Variants in TMEM132B observed in about 807,000 individuals in gnomAD.
TMEM132B encodes the protein transmembrane protein 132B.
A neutral mutation model predicts 90.8 loss-of-function variants in TMEM132B; 18 were observed. The observed-to-expected ratio is 0.20, with a 90% confidence interval of 0.14 to 0.29. The LOEUF is 0.29. Ranked by LOEUF, TMEM132B falls within the 10% of genes least tolerant of loss-of-function variation. The pLI, the probability that TMEM132B is intolerant of heterozygous loss-of-function variation, is 1.00. For synonymous variants in TMEM132B, 504 were observed against 523.3 expected (o/e 0.96, Z 0.50); for missense variants, 1,096 against 1,326.8 (o/e 0.83, Z 2.70).
At chr12:125,383,479 A>G (rs1436869047) in intron 2 of TMEM132B, among the ~76,000 whole-genome samples, 1 of 152,210 alleles carries the variant, frequency 6.6e-6, no homozygotes, top group Non-Finnish European at 1.5e-5. Flanking sequence ...TAGCTATTAC[A>G]GTAGTGGGTT....
At chr12:125,441,892 G>A (rs1196174494) in intron 3 of TMEM132B, among the ~76,000 whole-genome samples, 1 of 152,202 alleles carries the variant, frequency 6.6e-6, no homozygotes, top group Non-Finnish European at 1.5e-5. Flanking sequence ...TGTTCTTTTT[G>A]ATGGTTTCTT....
chr12:125,377,241 T>G (rs1328215948), intron 2 of TMEM132B, among the ~76,000 whole-genome samples: 2 of 152,136 alleles, frequency 1.3e-5, no homozygotes, highest in Admixed American at 6.5e-5. Context: ...GGGCATGAAA[T>G]GGAGAGAGTT....
chr12:125,509,441 A>G lies in TMEM132B; in HGVS notation c.1107-9998A>G, dbSNP rs576895036. ...CCAGGGCATTCCATAGTTAATGAGG[A>G]GAACAACTAGGCCTCTCTTTTCCCT... is the stretch of plus-strand genomic sequence containing the variant. On this transcript the variant is annotated intron_variant, in intron 3 of 8. Coordinates refer to ENST00000682704, the MANE Select transcript of TMEM132B (RefSeq NM_001366854.1). Among the ~76,000 whole-genome samples, 15 of 152,276 alleles carry G rather than the reference A, an allele frequency of 9.9e-5. No individual in the cohort carries two copies. In the South Asian group the frequency reaches 3.1e-3, roughly 32 times the overall value.
intron 2 of TMEM132B, among the ~76,000 whole-genome samples, chr12:125,397,429 T>C (rs1320225846): frequency 1.3e-5 from 2 of 152,206 alleles, no homozygotes; most frequent in Non-Finnish European, 2.9e-5. Context: ...TCTTTCCAAA[T>C]CCTTTTCATT....
At chr12:125,232,799 T>C (rs1015302090) in intron 1 of TMEM132B, among the ~76,000 whole-genome samples, 1 of 152,260 alleles carries the variant, frequency 6.6e-6, no homozygotes, top group African/African-American at 2.4e-5. Context: ...TGTTGTTCTT[T>C]TCTGTTTTTA....
intron 3 of TMEM132B, among the ~76,000 whole-genome samples, chr12:125,477,404 C>G (rs1045185095): frequency 6.6e-6 from 1 of 152,150 alleles, no homozygotes; most frequent in Non-Finnish European, 1.5e-5. Context: ...CTCTCTGGCT[C>G]AATCCACCCC....
At chr12:125,318,121 T>C (rs573086983) in intron 1 of TMEM132B, among the ~76,000 whole-genome samples, 1 of 152,316 alleles carries the variant, frequency 6.6e-6, no homozygotes, top group South Asian at 2.1e-4. Flanking sequence ...CAATGCTATT[T>C]ATATAAAATC....
At chr12:125,575,571 G>T (rs917998274) in intron 4 of TMEM132B, among the ~76,000 whole-genome samples, 7 of 151,534 alleles carry the variant, frequency 4.6e-5, no homozygotes, top group African/African-American at 1.7e-4. Context: ...TTTCTATAAA[G>T]TACAATTTAT....
At position 125,392,489 on chromosome 12, in the gene TMEM132B, C is replaced by T. The variant is rs897773619; in HGVS notation, c.960-23042C>T. Reference sequence around the variant, plus strand: ...AGAGGCTAAAATAACTAGCGTTGGGCTACGCAGGTAGAAAGTGGCAGCACT... The same window carrying T: ...AGAGGCTAAAATAACTAGCGTTGGGTTACGCAGGTAGAAAGTGGCAGCACT... On this transcript the variant is annotated intron_variant, in intron 2 of 8. Coordinates refer to ENST00000682704, the MANE Select transcript of TMEM132B (RefSeq NM_001366854.1). Among the ~76,000 whole-genome samples the T allele has an allele frequency of 3.9e-5, 6 of 152,336 alleles. No homozygotes were observed. The South Asian group carries it at 1.2e-3, about 32-fold the overall frequency.
At chr12:125,399,106 A>G (rs1178479980) in intron 2 of TMEM132B, among the ~76,000 whole-genome samples, 1 of 152,192 alleles carries the variant, frequency 6.6e-6, no homozygotes, top group Non-Finnish European at 1.5e-5. Flanking sequence ...GCCACCCAAG[A>G]AGATAGTTCT....
intron 1 of TMEM132B, among the ~76,000 whole-genome samples, chr12:125,294,332 AC>A (rs1875615259): frequency 1.3e-5 from 2 of 152,250 alleles, no homozygotes; most frequent in Admixed American, 1.3e-4. Flanking sequence ...AACAAGCCAG[AC>A]CTGGTAGAGA....
intron 1 of TMEM132B, among the ~76,000 whole-genome samples, chr12:125,268,962 G>C (rs1269306097): frequency 6.6e-6 from 1 of 152,208 alleles, no homozygotes; most frequent in Admixed American, 6.5e-5. Context: ...TTTGATCTTA[G>C]AGGCTGTTCA....
At chr12:125,207,737 G>T (rs144319403) in intron 1 of TMEM132B, among the ~76,000 whole-genome samples, 1 of 152,038 alleles carries the variant, frequency 6.6e-6, no homozygotes, top group African/African-American at 2.4e-5. Flanking sequence ...AGTAACTCCC[G>T]TTTCTCCCTT....
At chr12:125,409,417 C>T (rs917047081) in intron 2 of TMEM132B, among the ~76,000 whole-genome samples, 1 of 152,182 alleles carries the variant, frequency 6.6e-6, no homozygotes. Flanking sequence ...CGTGAGGAGG[C>T]ATCCGGCGGC....
intron 1 of TMEM132B, among the ~76,000 whole-genome samples, chr12:125,307,907 T>A (rs529158095): frequency 1.6e-5 from 2 of 121,946 alleles, no homozygotes; most frequent in South Asian, 5.2e-4. Flanking sequence ...ATATATATAT[T>A]AAGTATATAT....
chr12:125,325,336 A>G (rs565715829), intron 1 of TMEM132B, among the ~76,000 whole-genome samples: 1 of 152,320 alleles, frequency 6.6e-6, no homozygotes, highest in African/African-American at 2.4e-5. Context: ...GCCTCAAACC[A>G]GGCAGGAGCG....
intron 1 of TMEM132B, among the ~76,000 whole-genome samples, chr12:125,297,644 C>T (rs34037794): frequency 0.31 from 46,485 of 152,042 alleles, 7,434 homozygotes; most frequent in African/African-American, 0.39. Context: ...TTGAGATGCT[C>T]AAGGGTGAGG....
At chr12:125,391,204 C>G (rs1879007711) in intron 2 of TMEM132B, among the ~76,000 whole-genome samples, 1 of 152,128 alleles carries the variant, frequency 6.6e-6, no homozygotes, top group Non-Finnish European at 1.5e-5. Flanking sequence ...CAGAGAATGC[C>G]TTCACAGAGT....
At chr12:125,315,684 G>T (rs967099298) in intron 1 of TMEM132B, among the ~76,000 whole-genome samples, 1 of 152,162 alleles carries the variant, frequency 6.6e-6, no homozygotes, top group African/African-American at 2.4e-5. Flanking sequence ...CAACTAGAAG[G>T]CAGTAGAGCT....
Sources: allele counts gnomAD v4.1 joint callset (sites outside exome capture counted in the v4.1 genomes callset), GRCh38; gene constraint gnomAD v4.1.1; transcripts MANE v1.5; gene names NCBI Gene and HGNC (gene_info 2026-07-23, HGNC 2026-07-21).